Variants in PGGT1B observed in about 807,000 individuals in gnomAD.
PGGT1B encodes the protein geranylgeranyl transferase type-1 subunit beta.
A neutral mutation model predicts 46.1 loss-of-function variants in PGGT1B; 30 were observed. That is an observed-to-expected ratio of 0.65 (90% CI 0.49 to 0.88). The LOEUF is 0.88. Among genes scored for constraint, PGGT1B ranks in the 40% least tolerant of loss-of-function variants. The pLI, the probability that PGGT1B is intolerant of heterozygous loss-of-function variation, is 0.00. For synonymous variants in PGGT1B, 170 were observed against 160.0 expected (o/e 1.06, Z -0.47); for missense variants, 376 against 455.9 (o/e 0.82, Z 1.60).
chr5:115,262,509 C>T (rs1357616056), intron 1 of PGGT1B: 2 of 573,376 alleles, frequency 3.5e-6, no homozygotes, highest in Non-Finnish European at 3.1e-6. Context: ...GGAGATGCCA[C>T]AGCCCTCGAC....
In PGGT1B at chr5:115,234,005, A is replaced by T. The variant is rs146039092; in HGVS notation, c.612+2385T>A. On this transcript the variant is annotated intron_variant, in intron 5 of 8. Transcript: ENST00000419445. ...TATGCAGGAAGTTATTAATTACAGC[A>T]TTATTTGTAATTGCAAAATATATGC... Among the ~76,000 whole-genome samples, 336 of 152,108 alleles carry T rather than the reference A, an allele frequency of 2.2e-3. 2 individuals are homozygous for T. The highest frequency in any genetic ancestry group is 7.1e-3 in the African/African-American group (297 of 41,546).
chr5:115,236,132 T>C (rs975526011), intron 5 of PGGT1B, among the ~76,000 whole-genome samples: 1 of 152,136 alleles, frequency 6.6e-6, no homozygotes, highest in Non-Finnish European at 1.5e-5. Context: ...TACTTATTTT[T>C]CTTTTAAGTC....
chr5:115,234,277 T>C (rs1008972141), intron 5 of PGGT1B, among the ~76,000 whole-genome samples: 57 of 150,976 alleles, frequency 3.8e-4, no homozygotes, highest in African/African-American at 1.3e-3. Context: ...AAAATATCCA[T>C]ATCTTCTCAT....
At chr5:115,228,967 A>G (rs1756884690) in intron 6 of PGGT1B, among the ~76,000 whole-genome samples, 1 of 152,206 alleles carries the variant, frequency 6.6e-6, no homozygotes, top group Non-Finnish European at 1.5e-5. Context: ...GGTGAATAGT[A>G]CATTTGGAAC....
At chr5:115,260,075 C>T (rs1414370357) in intron 1 of PGGT1B, among the ~76,000 whole-genome samples, 1 of 152,132 alleles carries the variant, frequency 6.6e-6, no homozygotes, top group Non-Finnish European at 1.5e-5. Context: ...GGATTATAAA[C>T]TAGTAACTAT....
intron 2 of PGGT1B, among the ~76,000 whole-genome samples, chr5:115,245,770 T>C (rs947201099): frequency 2.0e-5 from 3 of 152,230 alleles, no homozygotes; most frequent in African/African-American, 4.8e-5. Context: ...AAAAAGTGTT[T>C]GGATCTTAAG....
intron 6 of PGGT1B, among the ~76,000 whole-genome samples, 184 bp from the exon 7 acceptor site, chr5:115,222,192 G>T (rs940700008): frequency 1.3e-5 from 2 of 151,978 alleles, no homozygotes; most frequent in Non-Finnish European, 2.9e-5. Flanking sequence ...TTAAAACAGA[G>T]AATATAAAGC....
At chr5:115,258,781 T>G (rs1317005502) in intron 1 of PGGT1B, among the ~76,000 whole-genome samples, 1 of 152,234 alleles carries the variant, frequency 6.6e-6, no homozygotes, top group African/African-American at 2.4e-5. Context: ...ACAATCATTT[T>G]GTCTAGTCAG....
intron 2 of PGGT1B, among the ~76,000 whole-genome samples, chr5:115,242,026 T>C (rs1001504729): frequency 4.6e-5 from 7 of 152,232 alleles, no homozygotes; most frequent in Non-Finnish European, 1.0e-4. Flanking sequence ...TTAACTCATT[T>C]AGTGTGTTTT....
rs996535111 is a variant in PGGT1B, at chr5:115,210,645, T to C, written c.*1757A>G. 3 of 152,154 alleles carry C rather than the reference T, an allele frequency of 2.0e-5. No homozygotes were observed. Among genetic ancestry groups the C allele is most frequent in the Admixed American group, 6.6e-5 (1 of 15,260 alleles). The allele number at this position is 152,154 out of a possible 1,614,324, so 9.4% of individuals were successfully genotyped here. A position where few individuals can be genotyped will look rare whatever the true frequency, so the allele number is the denominator to read the frequency against. On this transcript the variant is annotated 3_prime_UTR_variant, in exon 9 of 9. Coordinates refer to ENST00000419445, the MANE Select transcript of PGGT1B (RefSeq NM_005023.4). ...AATAAAATCACTGTTACTACCTTTA[T>C]TGCCTTCTAACCTTTCTTGGTGATA...
chr5:115,204,584 T>C lies in PGGT1B; in HGVS notation c.*7818A>G, dbSNP rs1561463771. 1 of 152,140 alleles carries C rather than the reference T, an allele frequency of 6.6e-6. No individual in the cohort carries two copies. Among genetic ancestry groups the C allele is most frequent in the African/African-American group, 2.4e-5 (1 of 41,440 alleles). 9.4% of individuals were successfully genotyped at this position (152,140 alleles called of 1,614,324 possible). On this transcript the variant is annotated 3_prime_UTR_variant, in exon 9 of 9. Transcript: ENST00000419445. ...CACCTAGAATGAAAAAACTTTAAGC[T>C]TGATAAAATCCGGTGTCACAAAGGA...
intron 6 of PGGT1B, among the ~76,000 whole-genome samples, chr5:115,225,824 T>C (rs540700913): frequency 6.6e-6 from 1 of 151,968 alleles, no homozygotes; most frequent in South Asian, 2.1e-4. Flanking sequence ...TTTTTTTGTA[T>C]TTTTAGCAGA....
At chr5:115,241,841 T>C (rs1757355607) in intron 2 of PGGT1B, among the ~76,000 whole-genome samples, 1 of 152,176 alleles carries the variant, frequency 6.6e-6, no homozygotes, top group Non-Finnish European at 1.5e-5. Flanking sequence ...TACCTTTTTT[T>C]AATAGCCCAC....
chr5:115,235,275 G>C (rs1186933534), intron 5 of PGGT1B, among the ~76,000 whole-genome samples: 1 of 151,840 alleles, frequency 6.6e-6, no homozygotes, highest in Non-Finnish European at 1.5e-5. Context: ...AAATAAGTAA[G>C]TATAAGTAAA....
At chr5:115,257,901 T>A (rs1748391859) in intron 1 of PGGT1B, among the ~76,000 whole-genome samples, 1 of 152,204 alleles carries the variant, frequency 6.6e-6, no homozygotes, top group South Asian at 2.1e-4. Flanking sequence ...AATCATGAAG[T>A]TAAAATACTA....
At chr5:115,225,910 A>G (rs1037613736) in intron 6 of PGGT1B, among the ~76,000 whole-genome samples, 14 of 152,016 alleles carry the variant, frequency 9.2e-5, no homozygotes, top group Non-Finnish European at 1.5e-4. Context: ...CGGCCTCCCA[A>G]AGTGCTGGGA....
Position 115,209,500 on chromosome 5 carries a change from T to C in PGGT1B, c.*2902A>G, listed in dbSNP as rs1189807413. The C allele has an allele frequency of 6.6e-6, 1 of 152,254 alleles. No homozygotes were observed. The highest frequency in any genetic ancestry group is 1.9e-4 in the East Asian group (1 of 5,186). 9.4% of individuals were successfully genotyped at this position (152,254 alleles called of 1,614,324 possible). Reference sequence around the variant, plus strand: ...TGTCAGAAACCAGCTGCCTTCCTTCTACTTCCTCCCACAGATACTGAAACT... The same window carrying C: ...TGTCAGAAACCAGCTGCCTTCCTTCCACTTCCTCCCACAGATACTGAAACT... On this transcript the variant is annotated 3_prime_UTR_variant, in exon 9 of 9. Coordinates refer to ENST00000419445, the MANE Select transcript of PGGT1B (RefSeq NM_005023.4).
intron 6 of PGGT1B, among the ~76,000 whole-genome samples, chr5:115,225,771 G>T (rs577416760): frequency 1.3e-5 from 2 of 151,194 alleles, no homozygotes; most frequent in Non-Finnish European, 2.9e-5. Context: ...TCTGCCTCCC[G>T]AGTAGCTAGG....
intron 8 of PGGT1B, among the ~76,000 whole-genome samples, 190 bp downstream of exon 8, chr5:115,216,674 TA>T (rs1416556648): frequency 6.6e-6 from 1 of 152,184 alleles, no homozygotes; most frequent in Non-Finnish European, 1.5e-5. Context: ...ATCTTGATAA[TA>T]AACTCTTTCA....
Sources: allele counts gnomAD v4.1 joint callset (sites outside exome capture counted in the v4.1 genomes callset), GRCh38; gene constraint gnomAD v4.1.1; transcripts MANE v1.5; gene names NCBI Gene and HGNC (gene_info 2026-07-23, HGNC 2026-07-21).